Variants in BANP observed in about 807,000 individuals in gnomAD.
BANP encodes BTG3 associated nuclear protein.
In BANP, 11 loss-of-function variants were observed where a neutral mutation model predicts 68.1. That is an observed-to-expected ratio of 0.16 (90% CI 0.10 to 0.27). The LOEUF (loss-of-function observed/expected upper bound fraction) is 0.27. BANP is among the 10% of genes least tolerant of loss of function. The pLI is 1.00. For missense variants in BANP, 504 were observed against 722.7 expected, an observed-to-expected ratio of 0.70 and a Z score of 3.47; for synonymous variants, 329 against 303.2, an observed-to-expected ratio of 1.09 and a Z score of -0.88.
intron 9 of BANP, 84 bp downstream of exon 9, chr16:88,033,329 C>A (rs538737294): frequency 1.0e-5 from 14 of 1,362,370 alleles, no homozygotes; most frequent in East Asian, 2.6e-5. Context: ...CCACCGGTTC[C>A]GCTGTGTTTT....
intron 4 of BANP, among the ~76,000 whole-genome samples, chr16:87,995,117 C>T (rs959221080): frequency 7.9e-5 from 12 of 152,228 alleles, no homozygotes; most frequent in African/African-American, 2.4e-4. Context: ...AAGTGACACA[C>T]GTCTCACCTG....
At chr16:87,952,364 T>A (rs1458335787) in intron 1 of BANP, 1 of 152,220 alleles carries the variant, frequency 6.6e-6, no homozygotes, top group East Asian at 1.9e-4. Context: ...GTAGCGAGCT[T>A]GCACCCTGAC....
intron 8 of BANP, among the ~76,000 whole-genome samples, chr16:88,027,932 G>A (rs2077321981): frequency 1.3e-5 from 2 of 152,278 alleles, no homozygotes. Flanking sequence ...CAAGGAGGCC[G>A]AGGCCTTTGC....
At chr16:88,047,250 G>C (rs1056371292) in intron 11 of BANP, among the ~76,000 whole-genome samples, 3 of 152,126 alleles carry the variant, frequency 2.0e-5, no homozygotes, top group African/African-American at 7.2e-5. Context: ...CACCAGGGTG[G>C]GGAAGGGCCC....
intron 6 of BANP, among the ~76,000 whole-genome samples, chr16:88,017,929 T>C (rs74881262): frequency 1.3e-5 from 2 of 152,024 alleles, no homozygotes; most frequent in Non-Finnish European, 2.9e-5. Flanking sequence ...AGGACTGGCA[T>C]TGTGTGCACG....
chr16:87,957,144 G>C lies in BANP; in HGVS notation c.-69+5629G>C, dbSNP rs112316088. On this transcript the variant is annotated intron_variant, in intron 1 of 13. Coordinates refer to ENST00000682872, the MANE Select transcript of BANP (RefSeq NM_001386991.1). The surrounding 1 kb of genome is among the most constrained non-coding windows in gnomAD (Gnocchi z 4.3). ...TGATTAAACATTCTGGATCGTCAGC[G>C]TTCACGGTGGAGCAGACTCCACGAC... 1 of 152,212 alleles carries C rather than the reference G, an allele frequency of 6.6e-6. No homozygotes were observed. Among genetic ancestry groups the C allele is most frequent in the Non-Finnish European group, 1.5e-5 (1 of 68,052 alleles). 9.4% of individuals were successfully genotyped at this position (152,212 alleles called of 1,614,324 possible).
chr16:88,026,347 C>T (rs952469514), intron 7 of BANP, among the ~76,000 whole-genome samples: 3 of 152,156 alleles, frequency 2.0e-5, no homozygotes, highest in Non-Finnish European at 2.9e-5. Context: ...GATAGAGAGG[C>T]GTCGGGAATG....
chr16:88,013,443 C>T (rs571075882), intron 6 of BANP, among the ~76,000 whole-genome samples: 4 of 152,138 alleles, frequency 2.6e-5, no homozygotes, highest in South Asian at 2.1e-4. Context: ...CCTGACAGGA[C>T]GGGCCCTCCC....
At chr16:88,019,051 G>A (rs1377267087) in intron 7 of BANP, among the ~76,000 whole-genome samples, 1 of 152,310 alleles carries the variant, frequency 6.6e-6, no homozygotes, top group African/African-American at 2.4e-5. Context: ...TCTCCTAAGC[G>A]GGTGGAGTGC....
chr16:88,043,986 A>G (rs1567853590), intron 11 of BANP, among the ~76,000 whole-genome samples: 2 of 152,202 alleles, frequency 1.3e-5, no homozygotes, highest in Non-Finnish European at 2.9e-5. Context: ...TGGTTTTTTT[A>G]TGAGGTCATG....
chr16:88,032,888 C>G (rs1457173578), intron 8 of BANP, among the ~76,000 whole-genome samples: 1 of 152,254 alleles, frequency 6.6e-6, no homozygotes, highest in Non-Finnish European at 1.5e-5. Flanking sequence ...TCACGCCACT[C>G]TCAGGCCCTT....
chr16:87,949,661 C>A (rs2056622163), upstream of BANP: 1 of 152,180 alleles, frequency 6.6e-6, no homozygotes, highest in South Asian at 2.1e-4. Flanking sequence ...TTTGCCAAGG[C>A]TCCTCCTTGG....
chr16:87,996,748 C>T (rs917962920), intron 4 of BANP, among the ~76,000 whole-genome samples: 5 of 152,248 alleles, frequency 3.3e-5, no homozygotes, highest in African/African-American at 1.2e-4. Context: ...CTCCCTGTGT[C>T]GTTGTCTGCA....
At position 88,018,060 on chromosome 16, in the gene BANP, G is replaced by C. The variant is rs2074997897; in HGVS notation, c.656-368G>C. ...TGAGGTGTGAGGGACCCCGGGGAGGGTTCCGCTCTGCAGGTGGCTGGGGCA... is the reference window on the plus strand; with the variant it reads ...TGAGGTGTGAGGGACCCCGGGGAGGCTTCCGCTCTGCAGGTGGCTGGGGCA... On this transcript the variant is annotated intron_variant, in intron 6 of 13. Transcript: ENST00000682872. This position sits in a 1 kb window ranked among gnomAD's most constrained non-coding sequence, Gnocchi z 7.7. Among the ~76,000 whole-genome samples the C allele has an allele frequency of 6.6e-6, 1 of 152,150 alleles. No individual in the cohort carries two copies. Among genetic ancestry groups the C allele is most frequent in the Non-Finnish European group, 1.5e-5 (1 of 68,020 alleles).
At chr16:88,001,729 A>AC (rs1567715295) in intron 4 of BANP, among the ~76,000 whole-genome samples, 1 of 152,132 alleles carries the variant, frequency 6.6e-6, no homozygotes, top group Non-Finnish European at 1.5e-5. Context: ...TGAACGTCTC[A>AC]CCAATGAGCT....
chr16:88,029,253 G>A (rs2152724920), intron 8 of BANP, among the ~76,000 whole-genome samples: 1 of 143,186 alleles, frequency 7.0e-6, no homozygotes, highest in East Asian at 2.1e-4. Flanking sequence ...GTTGCAGTGA[G>A]CTGAGACTAT....
In BANP at chr16:88,064,302, C is replaced by T. The variant is rs762381360; in HGVS notation, c.1312-965C>T. On this transcript the variant is annotated intron_variant, in intron 11 of 13. Coordinates refer to ENST00000682872, the MANE Select transcript of BANP (RefSeq NM_001386991.1). The surrounding 1 kb of genome is among the most constrained non-coding windows in gnomAD (Gnocchi z 4.5). ...GTGGCAGCGCTCCCAGCACCCTGTG[C>T]GTCCCTTGCACCCTTGCCCTGTGGT... 1.3e-5 allele frequency among the ~76,000 whole-genome samples: 2 copies of T among 152,216 alleles called. No homozygotes were observed. The highest frequency in any genetic ancestry group is 2.9e-5 in the Non-Finnish European group (2 of 68,028).
intron 8 of BANP, among the ~76,000 whole-genome samples, chr16:88,032,084 C>T (rs929554273): frequency 6.6e-6 from 1 of 151,656 alleles, no homozygotes; most frequent in African/African-American, 2.4e-5. Context: ...GGATTACAGG[C>T]GTGAGCCACC....
Position 88,004,903 on chromosome 16 carries a change from C to T in BANP, c.479+492C>T, listed in dbSNP as rs570279412. Among the ~76,000 whole-genome samples, 4 of 152,274 alleles carry T rather than the reference C, an allele frequency of 2.6e-5. No homozygotes were observed. The highest frequency in any genetic ancestry group is 7.2e-5 in the African/African-American group (3 of 41,574). Reference sequence around the variant, plus strand: ...GGGAGTGGACAGAAGACACCGTCCCCGCTCTGTGTGAGGGGAAGGCTGTGC... The same window carrying T: ...GGGAGTGGACAGAAGACACCGTCCCTGCTCTGTGTGAGGGGAAGGCTGTGC... On this transcript the variant is annotated intron_variant, in intron 5 of 13. Coordinates refer to ENST00000682872, the MANE Select transcript of BANP (RefSeq NM_001386991.1). The surrounding 1 kb of genome is among the most constrained non-coding windows in gnomAD (Gnocchi z 7.0).
Sources: gnomAD v4.1 joint callset for allele counts (sites outside exome capture counted in the v4.1 genomes callset) on GRCh38, gnomAD v4.1.1 for gene constraint, Gnocchi (gnomAD v3.1) non-coding constraint, MANE v1.5 for transcripts, NCBI Gene and HGNC (gene_info 2026-07-23, HGNC 2026-07-21) for gene names.